Variants in MARCHF6 observed in about 807,000 individuals in gnomAD.
MARCHF6 encodes membrane associated ring-CH-type finger 6.
In MARCHF6, 31 loss-of-function variants were observed where a neutral mutation model predicts 133.7. The observed-to-expected ratio is 0.23, with a 90% CI of 0.17 to 0.31. The LOEUF (loss-of-function observed/expected upper bound fraction) is 0.31, where lower values mean the gene tolerates loss of function less well. Ranked by LOEUF, MARCHF6 falls within the 10% of genes least tolerant of loss-of-function variation. The pLI, the probability that MARCHF6 is intolerant of heterozygous loss-of-function variation, is 1.00. For missense variants in MARCHF6, 723 were observed against 1,121.6 expected, an observed-to-expected ratio of 0.64 and a Z score of 5.08; for synonymous variants, 395 against 402.5, an observed-to-expected ratio of 0.98 and a Z score of 0.22.
chr5:10,423,210 C>G (rs1001945590), intron 22 of MARCHF6, among the ~76,000 whole-genome samples: 24 of 151,960 alleles, frequency 1.6e-4, no homozygotes, highest in Non-Finnish European at 3.2e-4. Context: ...ATCACTCTGT[C>G]TGGTGGAGAG....
chr5:10,411,382 G>A lies in MARCHF6; in HGVS notation c.1741G>A (p.Ala581Thr), dbSNP rs1262235678. The change falls in exon 19 of 26, where the codon GCA becomes ACA. Residue 581 changes from alanine (A) to threonine (T), a missense_variant. This residue lies in a region of MARCHF6 where 492 missense variants were observed against 699.5 expected (regional missense o/e 0.70). Transcript: ENST00000274140. ...LGDQEENENS[A>T]NQQVNNNQHA... ...AGACCAGGAAGAAAATGAAAACAGT[G>A]CAAATCAACAAGTTAACAATAATCA... 6.2e-7 allele frequency: 1 copy of A among 1,614,148 alleles called. No homozygotes were observed. Among genetic ancestry groups the A allele is most frequent in the Admixed American group, 1.7e-5 (1 of 60,020 alleles).
At chr5:10,424,826 A>G (rs1034823152) in intron 23 of MARCHF6, among the ~76,000 whole-genome samples, 1 of 152,220 alleles carries the variant, frequency 6.6e-6, no homozygotes, top group Non-Finnish European at 1.5e-5. Flanking sequence ...TAAGACTATT[A>G]TTGTATTACA....
chr5:10,380,155 TTGTGTGTGTGTGTG>T (rs200405883), intron 3 of MARCHF6, among the ~76,000 whole-genome samples: 27 of 145,852 alleles, frequency 1.9e-4, no homozygotes, highest in Middle Eastern at 3.5e-3. Context: ...TGTGTTTTAG[TTGTGTGTGTGTGTG>T]TGTGTGTGTG....
intron 1 of MARCHF6, among the ~76,000 whole-genome samples, chr5:10,363,043 C>A (rs903653505): frequency 2.6e-5 from 4 of 151,844 alleles, no homozygotes; most frequent in African/African-American, 7.3e-5. Flanking sequence ...AAAATTAACT[C>A]AAAGGGCTGT....
chr5:10,422,633 T>C (rs1185181151), intron 22 of MARCHF6, among the ~76,000 whole-genome samples: 2 of 152,096 alleles, frequency 1.3e-5, no homozygotes, highest in African/African-American at 2.4e-5. Flanking sequence ...AGATTGATAT[T>C]TGAGGGTATT....
rs753786480 is a variant in MARCHF6, at chr5:10,403,390, G to C, written c.1198-17G>C. ...TAGGGGGCACAGATTTCTCTTACCT[G>C]TCCTCTTTTGTCTCAGGAAATGTTT... On this transcript the variant is annotated splice_polypyrimidine_tract_variant and intron_variant, in intron 14 of 25. Transcript: ENST00000274140. 1.9e-6 allele frequency: 3 copies of C among 1,606,994 alleles called. No individual in the cohort carries two copies. Among genetic ancestry groups the C allele is most frequent in the Admixed American group, 1.7e-5 (1 of 58,282 alleles).
chr5:10,370,230 A>G (rs1019796920), intron 1 of MARCHF6, among the ~76,000 whole-genome samples: 9 of 148,648 alleles, frequency 6.1e-5, no homozygotes, highest in African/African-American at 2.0e-4. Flanking sequence ...CCTCCTGAGT[A>G]GCTGGGACTA....
At chr5:10,376,742 C>G (rs1182194489) in intron 1 of MARCHF6, among the ~76,000 whole-genome samples, 1 of 152,208 alleles carries the variant, frequency 6.6e-6, no homozygotes, top group African/African-American at 2.4e-5. Context: ...GCCTGTGATG[C>G]TCTTAAATGC....
At chr5:10,388,731 A>C (rs1223796937) in intron 5 of MARCHF6, among the ~76,000 whole-genome samples, 1 of 152,174 alleles carries the variant, frequency 6.6e-6, no homozygotes, top group Non-Finnish European at 1.5e-5. Context: ...AGCATTCTAA[A>C]AGGGCAAGAG....
rs1425593844 is a variant in MARCHF6 at position 10,436,675 on chromosome 5, T to G, written c.*2991T>G. On this transcript the variant is annotated 3_prime_UTR_variant, in exon 26 of 26. Transcript: ENST00000274140. ...GTATGAAGTGTGCAGTTGTTCATTA[T>G]TAGTAAATTATGTTTGATTTTTAAA... The G allele has an allele frequency of 6.6e-6, 1 of 152,184 alleles. No individual in the cohort carries two copies. Among genetic ancestry groups the G allele is most frequent in the East Asian group, 1.9e-4 (1 of 5,200 alleles). 9.4% of individuals were successfully genotyped at this position (152,184 alleles called of 1,614,324 possible).
rs778225145 is a variant in MARCHF6 at position 10,415,569 on chromosome 5, A to G, written c.2048A>G (p.Tyr683Cys). ...CTCTACACAGCTGCTTGTGGTCTCT[A>G]TGTTTGCTGGCTAACCATAAGGGCT... ...HELYTAACGL[Y>C]VCWLTIRAVT... Residue 683 changes from tyrosine (Y) to cysteine (C), a missense_variant, in exon 21 of 26, where the codon TAT becomes TGT. By Grantham distance (194) the Tyr-to-Cys change is radical. This residue lies in a region of MARCHF6 where 492 missense variants were observed against 699.5 expected (regional missense o/e 0.70). Transcript: ENST00000274140. 1.2e-5 allele frequency: 19 copies of G among 1,613,950 alleles called. No homozygotes were observed. The highest frequency in any genetic ancestry group is 1.6e-5 in the Non-Finnish European group (19 of 1,180,022).
At chr5:10,377,543 T>C (rs2126691389) in intron 1 of MARCHF6, among the ~76,000 whole-genome samples, 1 of 152,356 alleles carries the variant, frequency 6.6e-6, no homozygotes, top group Non-Finnish European at 1.5e-5. Context: ...TTTCTCTTAT[T>C]TTCGACTTTG....
chr5:10,371,063 C>T (rs189663783), intron 1 of MARCHF6, among the ~76,000 whole-genome samples: 2 of 152,196 alleles, frequency 1.3e-5, no homozygotes, highest in East Asian at 3.9e-4. Context: ...AGTTTTTAAT[C>T]CTCATTTGGC....
At chr5:10,421,164 C>T (rs946741269) in intron 22 of MARCHF6, among the ~76,000 whole-genome samples, 1 of 152,114 alleles carries the variant, frequency 6.6e-6, no homozygotes, top group African/African-American at 2.4e-5. Context: ...TTTAAAAATG[C>T]TTATATATTA....
intron 22 of MARCHF6, among the ~76,000 whole-genome samples, chr5:10,419,215 T>TCC (rs2126309001): frequency 6.6e-6 from 1 of 152,344 alleles, no homozygotes; most frequent in East Asian, 1.9e-4. Context: ...CTTTGAGTAC[T>TCC]TCTACAGCTA....
At chr5:10,408,530 G>T (rs1183312650) in intron 17 of MARCHF6, among the ~76,000 whole-genome samples, 4 of 152,100 alleles carry the variant, frequency 2.6e-5, no homozygotes, top group Admixed American at 1.3e-4. Context: ...CCAGATTAAG[G>T]TTTTTAAATT....
In MARCHF6 at chr5:10,411,445, G is replaced by C; in HGVS notation, c.1804G>C (p.Glu602Gln). The change falls in exon 19 of 26, where the codon GAA becomes CAA. Residue 602 changes from glutamate to glutamine, a missense_variant. By Grantham distance (29) the Glu-to-Gln change is conservative. Transcript: ENST00000274140. ...RNNNAIPVVG[E>Q]GLHAAHQAIL... Reference sequence around the variant, plus strand: ...TAACAACGCTATTCCTGTGGTGGGAGAAGGCCTTCATGCAGCCCACCAAGC... The same window carrying C: ...TAACAACGCTATTCCTGTGGTGGGACAAGGCCTTCATGCAGCCCACCAAGC... 1 of 1,614,238 alleles carries C rather than the reference G, an allele frequency of 6.2e-7. No individual in the cohort carries two copies. Among genetic ancestry groups the C allele is most frequent in the East Asian group, 2.2e-5 (1 of 44,890 alleles).
rs184596009 is a variant in MARCHF6 at position 10,362,773 on chromosome 5, A to G, written c.19+8856A>G. Reference sequence around the variant, plus strand: ...ACTATGTCAAAACTTGACAAGTGGTAGTTTCTTAACGTATCTGAAAACATG... The same window carrying G: ...ACTATGTCAAAACTTGACAAGTGGTGGTTTCTTAACGTATCTGAAAACATG... On this transcript the variant is annotated intron_variant, in intron 1 of 25. Transcript: ENST00000274140. Among the ~76,000 whole-genome samples, 3 of 152,312 alleles carry G rather than the reference A, an allele frequency of 2.0e-5. No homozygotes were observed. In the East Asian group the frequency reaches 5.8e-4, roughly 29 times the overall value.
chr5:10,405,567 C>T lies in MARCHF6; in HGVS notation c.1342C>T (p.Pro448Ser). 2 of 1,597,738 alleles carry T rather than the reference C, an allele frequency of 1.3e-6. No individual in the cohort carries two copies. Among genetic ancestry groups the T allele is most frequent in the South Asian group, 2.3e-5 (2 of 87,076 alleles). The change falls in exon 16 of 26, where the codon CCT becomes TCT. Residue 448 changes from proline (P) to serine (S), a missense_variant. Physicochemically the swap from Pro to Ser is moderately conservative, Grantham distance 74. Transcript: ENST00000274140. The part of the protein sequence containing the change: ...FILLLREVLR[P>S]GVLWFLRNLN... ...TAAAATATATTTGCAGGTACTTCGACCTGGTGTCCTGTGGTTTCTAAGGAA... is the reference window on the plus strand; with the variant it reads ...TAAAATATATTTGCAGGTACTTCGATCTGGTGTCCTGTGGTTTCTAAGGAA...
Sources: gnomAD v4.1 joint callset for allele counts (sites outside exome capture counted in the v4.1 genomes callset) on GRCh38, gnomAD v4.1.1 for gene constraint, gnomAD v4.1.1 regional missense constraint, MANE v1.5 for transcripts, NCBI Gene and HGNC (gene_info 2026-07-23, HGNC 2026-07-21) for gene names.